LTBP2: variants seen among roughly 807,000 people sequenced by gnomAD.
LTBP2 encodes latent-transforming growth factor beta-binding protein 2.
Under a neutral mutation model 210.6 loss-of-function variants are expected in LTBP2, and 103 were observed. The observed-to-expected ratio is 0.49, with a 90% CI of 0.42 to 0.58. The LOEUF is 0.58. Among genes scored for constraint, LTBP2 ranks in the 20% least tolerant of loss-of-function variants. The pLI is 0.00. For missense variants in LTBP2, 2,313 were observed against 2,494.5 expected (o/e 0.93, Z 1.55); for synonymous variants, 1,007 against 1,015.0 (o/e 0.99, Z 0.15).
chr14:74,539,143 T>C (rs563262058), intron 8 of LTBP2, among the ~76,000 whole-genome samples: 142 of 152,356 alleles, frequency 9.3e-4, no homozygotes, highest in African/African-American at 3.3e-3. Context: ...GTACACATGG[T>C]CATGTCTGTT....
Position 74,531,365 on chromosome 14 carries a change from T to C in LTBP2, c.1987+1061A>G, listed in dbSNP as rs1332995828. Among the ~76,000 whole-genome samples, 3 of 152,206 alleles carry C rather than the reference T, an allele frequency of 2.0e-5. No homozygotes were observed. In the East Asian group the frequency reaches 5.8e-4, roughly 29 times the overall value. ...GGACTAATAAATAAGTCACCTTGGA[T>C]GTCAAACACACCTCTCTGGTAAAGG... is the stretch of plus-strand genomic sequence containing the variant. On this transcript the variant is annotated intron_variant, in intron 10 of 35. Coordinates refer to ENST00000261978, the MANE Select transcript of LTBP2 (RefSeq NM_000428.3).
chr14:74,510,127 C>T lies in LTBP2; in HGVS notation c.3115G>A (p.Gly1039Ser). ...EGSFRCSCEQ[G>S]YEVTSDEKGC... ...TTCTCATCTGAGGTGACCTCATAGCCCTGCTCACAAGAGCATCTGAAGGAG... is the reference window on the plus strand; with the variant it reads ...TTCTCATCTGAGGTGACCTCATAGCTCTGCTCACAAGAGCATCTGAAGGAG... The change falls in exon 20 of 36, where the codon GGC becomes AGC. Residue 1039 changes from glycine to serine, a missense_variant. Physicochemically the swap from Gly to Ser is moderately conservative, Grantham distance 56. Coordinates refer to ENST00000261978, the MANE Select transcript of LTBP2 (RefSeq NM_000428.3). 1.2e-6 allele frequency: 2 copies of T among 1,614,150 alleles called. No individual in the cohort carries two copies. The highest frequency in any genetic ancestry group is 1.7e-6 in the Non-Finnish European group (2 of 1,180,020).
rs932476696 is a variant in LTBP2 at position 74,504,914 on chromosome 14, C to G, written c.4370-53G>C. 2.4e-5 allele frequency: 39 copies of G among 1,613,588 alleles called. No homozygotes were observed. The African/African-American group carries it at 2.9e-4, about 12-fold the overall frequency. The stretch of plus-strand genomic sequence containing the variant: ...GTGGGGAGGGCCCTGCCCCCTTCCT[C>G]TCTCCCCTTCTTTCAGTGTCACCTT... On this transcript the variant is annotated intron_variant, in intron 29 of 35. Transcript: ENST00000261978.
chr14:74,533,097 T>A (rs996498469), intron 9 of LTBP2, among the ~76,000 whole-genome samples: 3 of 152,250 alleles, frequency 2.0e-5, no homozygotes, highest in African/African-American at 7.2e-5. Context: ...CTGCCTGCCT[T>A]GGCCTCCCGA....
At chr14:74,543,145 A>G (rs2087531108) in intron 8 of LTBP2, among the ~76,000 whole-genome samples, 1 of 151,744 alleles carries the variant, frequency 6.6e-6, no homozygotes, top group Non-Finnish European at 1.5e-5. Flanking sequence ...TTGGGAGGCC[A>G]AGGCAGGCAG....
Position 74,612,221 on chromosome 14 carries a change from G to C in LTBP2, c.-277C>G. On this transcript the variant is annotated 5_prime_UTR_variant, in exon 1 of 36. Coordinates refer to ENST00000261978, the MANE Select transcript of LTBP2 (RefSeq NM_000428.3). ...CCTGCAGCCGTCTGAAGGGGACCCG[G>C]ACGGTTTTATTTTTGGAAACCTCCC... The C allele has an allele frequency of 2.3e-6, 1 of 444,030 alleles. No homozygotes were observed. The highest frequency in any genetic ancestry group is 4.4e-5 in the South Asian group (1 of 22,954). 27.5% of individuals were successfully genotyped at this position (444,030 alleles called of 1,614,324 possible). A position where few individuals can be genotyped will look rare whatever the true frequency, so the allele number is the denominator to read the frequency against.
chr14:74,505,399 G>A (rs112080339), intron 28 of LTBP2, among the ~76,000 whole-genome samples: 2 of 152,192 alleles, frequency 1.3e-5, no homozygotes, highest in Non-Finnish European at 2.9e-5. Context: ...CCACTGCTGT[G>A]CGATTAAGCT....
Position 74,528,942 on chromosome 14 carries a change from G to A in LTBP2, c.2152+16C>T. On this transcript the variant is annotated intron_variant, in intron 11 of 35. Coordinates refer to ENST00000261978, the MANE Select transcript of LTBP2 (RefSeq NM_000428.3). ...GCCCCTGGGCAGTGAAAGCTGGGAT[G>A]GGAACAGGAGGTTACCTGTGCCAGG... 1.9e-6 allele frequency: 3 copies of A among 1,610,350 alleles called. No homozygotes were observed. The highest frequency in any genetic ancestry group is 2.5e-6 in the Non-Finnish European group (3 of 1,178,938).
At chr14:74,530,631 T>A (rs2087338670) in intron 10 of LTBP2, among the ~76,000 whole-genome samples, 1 of 152,226 alleles carries the variant, frequency 6.6e-6, no homozygotes, top group African/African-American at 2.4e-5. Context: ...TCCTTCCACT[T>A]CAGCCTCTCA....
chr14:74,557,596 T>C (rs1404316596), intron 3 of LTBP2, among the ~76,000 whole-genome samples: 1 of 152,206 alleles, frequency 6.6e-6, no homozygotes, highest in Non-Finnish European at 1.5e-5. Flanking sequence ...TCCTTTGACA[T>C]CTTAACTGCT....
In LTBP2 at chr14:74,500,501, A is replaced by G. The variant is rs1287949672; in HGVS notation, c.*383T>C. ...CCTCTGTCCCAGTTGTGGGATCGTC[A>G]GGATGATGGTGGATTGTGGCTGGAA... On this transcript the variant is annotated 3_prime_UTR_variant, in exon 36 of 36. Coordinates refer to ENST00000261978, the MANE Select transcript of LTBP2 (RefSeq NM_000428.3). 9.3e-6 allele frequency: 4 copies of G among 429,496 alleles called. No individual in the cohort carries two copies. Among genetic ancestry groups the G allele is most frequent in the African/African-American group, 7.9e-5 (4 of 50,894 alleles). The allele number at this position is 429,496 out of a possible 1,614,324, so 26.6% of individuals were successfully genotyped here.
chr14:74,534,948 C>T (rs1370391785), intron 9 of LTBP2, among the ~76,000 whole-genome samples: 2 of 152,062 alleles, frequency 1.3e-5, no homozygotes, highest in Non-Finnish European at 1.5e-5. Flanking sequence ...CTTAAAGCTC[C>T]AGATTGGGAA....
rs751080389 is a variant in LTBP2 at position 74,501,431 on chromosome 14, C to T, written c.5320+10G>A. 2.5e-6 allele frequency: 4 copies of T among 1,614,084 alleles called. No homozygotes were observed. Among genetic ancestry groups the T allele is most frequent in the Non-Finnish European group, 3.4e-6 (4 of 1,180,020 alleles). On this transcript the variant is annotated intron_variant, in intron 35 of 35. Transcript: ENST00000261978. ...CCAGCCTGACTCCTCCATCAGAATT[C>T]TGCACTTACCTACGCAGGCCATGTG...
intron 8 of LTBP2, among the ~76,000 whole-genome samples, chr14:74,537,422 C>T (rs534755030): frequency 6.6e-6 from 1 of 152,188 alleles, no homozygotes; most frequent in Admixed American, 6.5e-5. Flanking sequence ...TGCCACAGAC[C>T]TTATTCCATA....
chr14:74,571,185 A>G (rs560088919), intron 3 of LTBP2, among the ~76,000 whole-genome samples: 15 of 152,256 alleles, frequency 9.9e-5, no homozygotes, highest in African/African-American at 3.4e-4. Flanking sequence ...TACAAAAATT[A>G]GCTGAGCATG....
chr14:74,542,510 G>C (rs923178772), intron 8 of LTBP2, among the ~76,000 whole-genome samples: 3 of 152,228 alleles, frequency 2.0e-5, no homozygotes, highest in Non-Finnish European at 4.4e-5. Flanking sequence ...AGATGTGAAA[G>C]GTCCCTACCA....
intron 8 of LTBP2, among the ~76,000 whole-genome samples, chr14:74,544,713 A>G (rs1182390785): frequency 6.6e-6 from 1 of 152,152 alleles, no homozygotes; most frequent in African/African-American, 2.4e-5. Context: ...ACATCTCTAA[A>G]AACCCCCATT....
intron 5 of LTBP2, 108 bp from the exon 6 acceptor site, chr14:74,552,501 G>A: frequency 2.0e-6 from 2 of 1,003,858 alleles, no homozygotes; most frequent in South Asian, 1.3e-5. Context: ...ACCCTAGATG[G>A]CTCCTGTAGC....
chr14:74,566,657 G>GA (rs1415367912), intron 3 of LTBP2, among the ~76,000 whole-genome samples: 6 of 152,186 alleles, frequency 3.9e-5, no homozygotes. Context: ...GCCTGGATTG[G>GA]AATCTGTACC....
Sources: gnomAD v4.1 joint callset for allele counts (sites outside exome capture counted in the v4.1 genomes callset) on GRCh38, gnomAD v4.1.1 for gene constraint, MANE v1.5 for transcripts, NCBI Gene and HGNC (gene_info 2026-07-23, HGNC 2026-07-21) for gene names.